VCF1: variants seen among roughly 807,000 people sequenced by gnomAD.
VCF1 encodes VCP nuclear cofactor family member 1, also known as protein VCF1.
the VCF1 span, among the ~76,000 whole-genome samples, chr17:73,210,481 T>G: frequency 6.7e-6 from 1 of 149,466 alleles, no homozygotes; most frequent in Admixed American, 6.8e-5. Flanking sequence ...ACTTTCATTC[T>G]GCAGTTCATG....
At chr17:73,219,503 A>G in the VCF1 span, among the ~76,000 whole-genome samples, 2 of 151,132 alleles carry the variant, frequency 1.3e-5, no homozygotes, top group African/African-American at 4.9e-5. Flanking sequence ...CAAAAAAATT[A>G]GCCGGGTGTG....
At chr17:73,223,672 A>C in the VCF1 span, among the ~76,000 whole-genome samples, 1 of 152,206 alleles carries the variant, frequency 6.6e-6, no homozygotes, top group African/African-American at 2.4e-5. Flanking sequence ...CATGAAGTTC[A>C]AGTTATAAGA....
chr17:73,207,945 A>G, the VCF1 span: 21 of 1,208,196 alleles, frequency 1.7e-5, no homozygotes, highest in Non-Finnish European at 2.1e-5. Flanking sequence ...AAAAAAAAAA[A>G]AAGCTCTTGC....
the VCF1 span, chr17:73,212,828 A>T: frequency 1.1e-6 from 1 of 882,172 alleles, no homozygotes. Context: ...TAATAGCACA[A>T]GGGTGATGCT....
the VCF1 span, chr17:73,227,299 C>A: frequency 5.6e-6 from 8 of 1,434,600 alleles, no homozygotes; most frequent in Middle Eastern, 2.0e-4. Flanking sequence ...AAAAAAAAAA[C>A]CCAAACAACC....
the VCF1 span, among the ~76,000 whole-genome samples, chr17:73,210,550 C>A: frequency 1.6e-4 from 24 of 150,710 alleles, no homozygotes; most frequent in Non-Finnish European, 2.9e-5. Flanking sequence ...ACCACTAGGA[C>A]TCTCAAAGGG....
At chr17:73,221,805 G>A in the VCF1 span, among the ~76,000 whole-genome samples, 626 of 152,178 alleles carry the variant, frequency 4.1e-3, 6 homozygotes, top group African/African-American at 0.014. Context: ...GGAGGCCGAG[G>A]CGGGCGGATC....
chr17:73,226,446 G>A, the VCF1 span, among the ~76,000 whole-genome samples: 2 of 152,226 alleles, frequency 1.3e-5, no homozygotes, highest in Non-Finnish European at 2.9e-5. Context: ...TGTGAGTTAT[G>A]AGGCTAGGGC....
the VCF1 span, among the ~76,000 whole-genome samples, chr17:73,224,990 C>CACAGCACAGG: frequency 7.6e-5 from 7 of 92,244 alleles, no homozygotes; most frequent in East Asian, 3.7e-4. Context: ...CACAGCACAG[C>CACAGCACAGG]ACAGGACAGG....
the VCF1 span, chr17:73,232,126 A>G: frequency 6.2e-7 from 1 of 1,610,014 alleles, no homozygotes; most frequent in Non-Finnish European, 8.5e-7. Context: ...GGCGGATGGA[A>G]GCTACGCGGC....
At chr17:73,211,963 C>T in the VCF1 span, among the ~76,000 whole-genome samples, 21 of 152,126 alleles carry the variant, frequency 1.4e-4, no homozygotes, top group African/African-American at 4.6e-4. Context: ...CCTCGGAGGT[C>T]GAGGTGGCAG....
chr17:73,230,961 G>A, the VCF1 span, among the ~76,000 whole-genome samples: 1 of 152,114 alleles, frequency 6.6e-6, no homozygotes, highest in African/African-American at 2.4e-5. Context: ...GTATAAACTG[G>A]GTTTGGGAAA....
At chr17:73,229,982 A>G in the VCF1 span, among the ~76,000 whole-genome samples, 3 of 151,788 alleles carry the variant, frequency 2.0e-5, no homozygotes, top group Admixed American at 2.0e-4. Context: ...TCTCTATATA[A>G]GAGATAAAGG....
At chr17:73,229,732 G>A in the VCF1 span, 1 of 245,810 alleles carries the variant, frequency 4.1e-6, no homozygotes, top group Non-Finnish European at 6.5e-6. Context: ...GCAGGGCGTG[G>A]TGGCGTGTGC....
chr17:73,212,114 C>T, the VCF1 span, among the ~76,000 whole-genome samples: 3 of 152,180 alleles, frequency 2.0e-5, no homozygotes, highest in South Asian at 6.2e-4. Context: ...ACTTTTTCTA[C>T]ACTTCAACTT....
the VCF1 span, among the ~76,000 whole-genome samples, chr17:73,212,226 TTCTA>T: frequency 2.0e-5 from 3 of 152,332 alleles, no homozygotes; most frequent in African/African-American, 7.2e-5. Flanking sequence ...AAAATCCTAG[TTCTA>T]TCCCTTTTTT....
chr17:73,231,332 G>C, the VCF1 span, among the ~76,000 whole-genome samples: 2 of 152,174 alleles, frequency 1.3e-5, no homozygotes. Flanking sequence ...AATTAAGAGA[G>C]AGAAAAAAAT....
At chr17:73,230,454 G>A in the VCF1 span, among the ~76,000 whole-genome samples, 2 of 151,780 alleles carry the variant, frequency 1.3e-5, no homozygotes, top group Non-Finnish European at 2.9e-5. Context: ...AGGCTTGAGT[G>A]CAGTGATCTC....
At chr17:73,217,189 A>G in the VCF1 span, among the ~76,000 whole-genome samples, 1 of 151,916 alleles carries the variant, frequency 6.6e-6, no homozygotes, top group Admixed American at 6.6e-5. Flanking sequence ...AAACCAAAAC[A>G]AAACAAAACA....
Sources: allele counts gnomAD v4.1 joint callset (sites outside exome capture counted in the v4.1 genomes callset), GRCh38; gene constraint gnomAD v4.1.1; transcripts MANE v1.5; gene names NCBI Gene and HGNC (gene_info 2026-07-23, HGNC 2026-07-21).